IGF1: variants seen among roughly 807,000 people sequenced by gnomAD.
IGF1 encodes insulin like growth factor 1.
Under a neutral mutation model 13.8 loss-of-function variants are expected in IGF1, and 4 were observed. The observed-to-expected ratio is 0.29, with a 90% confidence interval of 0.14 to 0.66. The LOEUF (loss-of-function observed/expected upper bound fraction) is 0.66. Among genes scored for constraint, IGF1 ranks in the 30% least tolerant of loss-of-function variants. The pLI is 0.78. For synonymous variants in IGF1, 76 were observed against 72.6 expected (o/e 1.05, Z -0.23); for missense variants, 124 against 188.5 (o/e 0.66, Z 2.00).
chr12:102,458,728 AC>A (rs1172997386), intron 2 of IGF1, among the ~76,000 whole-genome samples: 1 of 146,062 alleles, frequency 6.8e-6, no homozygotes. Context: ...AGGAACACTG[AC>A]CAAAAAAAAA....
rs61609111 is a variant in IGF1, at chr12:102,444,248, CT to C, written c.221-24559del. 3.2e-3 allele frequency among the ~76,000 whole-genome samples: 465 copies of C among 145,334 alleles called. 1 individual carries two copies. The highest frequency in any genetic ancestry group is 8.3e-3 in the African/African-American group (331 of 39,856). On this transcript the variant is annotated intron_variant, in intron 2 of 3. Transcript: ENST00000337514. ...ATATGGAAAAAAGACACCCAATTTC[CT>C]TTTTTTTTTTTCTACCTAACAGTTT...
chr12:102,418,314 C>A (rs542691537), intron 3 of IGF1, among the ~76,000 whole-genome samples: 26 of 152,360 alleles, frequency 1.7e-4, no homozygotes, highest in African/African-American at 6.0e-4. Context: ...ATCCTTGCTT[C>A]CTGCCTGGCC....
At chr12:102,409,989 G>A (rs7314527) in intron 3 of IGF1, among the ~76,000 whole-genome samples, 4,403 of 152,276 alleles carry the variant, frequency 0.029, 241 homozygotes, top group African/African-American at 0.1. Context: ...CCGGAGCTCC[G>A]TTGAGTGCTG....
intron 2 of IGF1, among the ~76,000 whole-genome samples, chr12:102,447,741 C>T (rs368088930): frequency 1.6e-3 from 249 of 152,110 alleles, no homozygotes; most frequent in Non-Finnish European, 2.8e-3. Context: ...GAAACTGGAC[C>T]GCTTCCTTAC....
intron 2 of IGF1, among the ~76,000 whole-genome samples, chr12:102,453,817 C>T (rs554955794): frequency 2.6e-4 from 40 of 152,286 alleles, no homozygotes; most frequent in Non-Finnish European, 4.9e-4. Context: ...ACCCTGGATT[C>T]GTTGCACTTA....
chr12:102,453,320 T>C (rs1879121564), intron 2 of IGF1, among the ~76,000 whole-genome samples: 2 of 152,136 alleles, frequency 1.3e-5, no homozygotes, highest in South Asian at 2.1e-4. Flanking sequence ...GTTTGTTTGT[T>C]TTGCTTTGTT....
At chr12:102,408,762 A>G (rs1223762882) in intron 3 of IGF1, among the ~76,000 whole-genome samples, 6 of 152,102 alleles carry the variant, frequency 3.9e-5, no homozygotes, top group Admixed American at 2.0e-4. Flanking sequence ...GTATTGCCCA[A>G]CTTTGGCTCA....
At chr12:102,425,713 T>G (rs2217241) in intron 2 of IGF1, among the ~76,000 whole-genome samples, 85 of 152,266 alleles carry the variant, frequency 5.6e-4, no homozygotes, top group Non-Finnish European at 9.1e-4. Context: ...AGCAAGAGAT[T>G]CAAAGCAGAA....
At chr12:102,444,335 G>T (rs192162691) in intron 2 of IGF1, among the ~76,000 whole-genome samples, 5 of 151,602 alleles carry the variant, frequency 3.3e-5, no homozygotes, top group African/African-American at 1.2e-4. Context: ...CAGAGCAAAA[G>T]TTCAGATTAC....
chr12:102,478,652 T>C (rs1592841899), intron 1 of IGF1: 1 of 1,403,230 alleles, frequency 7.1e-7, no homozygotes, highest in East Asian at 2.7e-5. Context: ...GCAGGTATGC[T>C]ATTATGAGCC....
intron 1 of IGF1, among the ~76,000 whole-genome samples, chr12:102,479,630 A>G (rs1881284015): frequency 6.6e-6 from 1 of 152,200 alleles, no homozygotes; most frequent in African/African-American, 2.4e-5. Context: ...TTGGGCAAGC[A>G]GCTCTTAGAA....
At position 102,436,085 on chromosome 12, in the gene IGF1, C is replaced by T. The variant is rs369071028; in HGVS notation, c.221-16395G>A. 5.3e-5 allele frequency among the ~76,000 whole-genome samples: 8 copies of T among 152,190 alleles called. No homozygotes were observed. The East Asian group carries it at 7.7e-4, about 15-fold the overall frequency. The stretch of plus-strand genomic sequence containing the variant: ...TTGCCTAATAAAGGTATCTATATGT[C>T]AGTCTAGTAGCAGAACCAGTTTTAT... On this transcript the variant is annotated intron_variant, in intron 2 of 3. Coordinates refer to ENST00000337514, the MANE Select transcript of IGF1 (RefSeq NM_000618.5).
intron 2 of IGF1, among the ~76,000 whole-genome samples, chr12:102,467,591 G>C (rs1880418136): frequency 6.6e-6 from 1 of 152,200 alleles, no homozygotes. Flanking sequence ...CACCATATAG[G>C]AGACAGGCAG....
At chr12:102,479,416 A>C (rs970973155) in intron 1 of IGF1, among the ~76,000 whole-genome samples, 14 of 152,206 alleles carry the variant, frequency 9.2e-5, no homozygotes, top group South Asian at 4.1e-4. Context: ...TGAAAAAAAA[A>C]CACAAGTCTT....
At chr12:102,403,482 G>T (rs1162981587) in intron 3 of IGF1, among the ~76,000 whole-genome samples, 1 of 151,064 alleles carries the variant, frequency 6.6e-6, no homozygotes, top group East Asian at 1.9e-4. Flanking sequence ...TTTTGGACAG[G>T]GTCTCACTCT....
intron 1 of IGF1, among the ~76,000 whole-genome samples, chr12:102,477,802 C>G (rs957529706): frequency 6.5e-4 from 99 of 152,142 alleles, no homozygotes; most frequent in African/African-American, 2.3e-3. Flanking sequence ...ACTGTAGATG[C>G]CTTCAAGTTC....
chr12:102,456,967 A>C (rs1156505560), intron 2 of IGF1, among the ~76,000 whole-genome samples: 1 of 152,146 alleles, frequency 6.6e-6, no homozygotes, highest in Non-Finnish European at 1.5e-5. Flanking sequence ...ATTTTGTGGC[A>C]ATTCCACAGG....
intron 3 of IGF1, chr12:102,418,106 C>T (rs577914925): frequency 2.4e-6 from 3 of 1,242,146 alleles, no homozygotes; most frequent in Non-Finnish European, 2.2e-6. Context: ...CAGGAGACAG[C>T]ACTCATGCTG....
At chr12:102,432,675 A>G (rs1876841771) in intron 2 of IGF1, among the ~76,000 whole-genome samples, 1 of 152,210 alleles carries the variant, frequency 6.6e-6, no homozygotes. Context: ...GGCGTAACCA[A>G]GACTTGAGTT....
Sources: gnomAD v4.1 joint callset for allele counts (sites outside exome capture counted in the v4.1 genomes callset) on GRCh38, gnomAD v4.1.1 for gene constraint, MANE v1.5 for transcripts, NCBI Gene and HGNC (gene_info 2026-07-23, HGNC 2026-07-21) for gene names.